The following LIN28B variants were observed in gnomAD, a reference collection of about 807,000 sequenced individuals.
LIN28B encodes lin-28 RNA binding posttranscriptional regulator B, also known as protein lin-28 homolog B.
In LIN28B, 5 loss-of-function variants were observed where a neutral mutation model predicts 21.9. The observed-to-expected ratio is 0.23, with a 90% confidence interval of 0.12 to 0.48. LIN28B has a LOEUF of 0.48. Ranked by LOEUF, LIN28B falls within the 20% of genes least tolerant of loss-of-function variation. The pLI is 0.98. For missense variants in LIN28B, 245 were observed against 310.5 expected (o/e 0.79, Z 1.58); for synonymous variants, 109 against 111.3 (o/e 0.98, Z 0.13).
intron 3 of LIN28B, among the ~76,000 whole-genome samples, chr6:105,028,506 ATG>A (rs1038045839): frequency 2.0e-5 from 3 of 152,158 alleles, no homozygotes; most frequent in African/African-American, 7.2e-5. Flanking sequence ...AAATTCTGAT[ATG>A]TTTTGAAGGA....
At chr6:104,971,215 G>A (rs1386485464) in intron 2 of LIN28B, among the ~76,000 whole-genome samples, 1 of 151,944 alleles carries the variant, frequency 6.6e-6, no homozygotes, top group East Asian at 1.9e-4. Flanking sequence ...ACTTTTAAAA[G>A]ACTTTTAAGA....
chr6:105,048,593 TA>T lies in LIN28B; in HGVS notation c.383+22112del, dbSNP rs1423148409. 2.0e-5 allele frequency among the ~76,000 whole-genome samples: 3 copies of T among 152,326 alleles called. No individual in the cohort carries two copies. The East Asian group carries it at 5.8e-4, about 29-fold the overall frequency. ...ATTGGAATAGTTTCAGAAGGAATGGTACCAGCTCCTCCTGTACCTCTGGTAG... is the reference window on the plus strand; with the variant it reads ...ATTGGAATAGTTTCAGAAGGAATGGTCCAGCTCCTCCTGTACCTCTGGTAG... On this transcript the variant is annotated intron_variant, in intron 3 of 3. Transcript: ENST00000345080.
At chr6:105,066,287 C>A (rs1056708922) in intron 3 of LIN28B, among the ~76,000 whole-genome samples, 1 of 152,186 alleles carries the variant, frequency 6.6e-6, no homozygotes, top group Admixed American at 6.5e-5. Flanking sequence ...ATTCTGTCTT[C>A]GTAAAAACTC....
chr6:105,006,468 C>G (rs767275302), intron 2 of LIN28B, among the ~76,000 whole-genome samples: 1 of 152,228 alleles, frequency 6.6e-6, no homozygotes, highest in Non-Finnish European at 1.5e-5. Context: ...CCCGCCACCA[C>G]GCCAGGCCAA....
At chr6:104,987,946 G>T (rs1366859613) in intron 2 of LIN28B, among the ~76,000 whole-genome samples, 1 of 152,088 alleles carries the variant, frequency 6.6e-6, no homozygotes, top group Non-Finnish European at 1.5e-5. Flanking sequence ...GTTTCACCAT[G>T]TTGGCCAGGC....
At chr6:104,979,462 G>A (rs1770175112) in intron 2 of LIN28B, among the ~76,000 whole-genome samples, 1 of 151,956 alleles carries the variant, frequency 6.6e-6, no homozygotes, top group Non-Finnish European at 1.5e-5. Context: ...ACCCGCCTTG[G>A]CCTCCCAAAG....
chr6:104,952,169 A>T (rs1778227905), upstream of LIN28B, among the ~76,000 whole-genome samples: 1 of 152,156 alleles, frequency 6.6e-6, no homozygotes, highest in South Asian at 2.1e-4. Context: ...TCATTGCTTG[A>T]GGGAGGAAGA....
intron 2 of LIN28B, among the ~76,000 whole-genome samples, chr6:105,014,460 C>T (rs146145610): frequency 5.6e-4 from 86 of 152,320 alleles, no homozygotes; most frequent in African/African-American, 2.0e-3. Flanking sequence ...GCTGGGATTA[C>T]AGGCACCCAC....
At chr6:105,012,197 G>A (rs1770938108) in intron 2 of LIN28B, among the ~76,000 whole-genome samples, 1 of 151,458 alleles carries the variant, frequency 6.6e-6, no homozygotes, top group South Asian at 2.1e-4. Context: ...GCTGGGTGCG[G>A]TGGCTCACAC....
At chr6:105,046,726 G>A (rs1342485103) in intron 3 of LIN28B, among the ~76,000 whole-genome samples, 1 of 152,000 alleles carries the variant, frequency 6.6e-6, no homozygotes. Flanking sequence ...GTGTGAGATG[G>A]TATCTCATTG....
chr6:105,007,531 C>CTT (rs781241068), intron 2 of LIN28B, among the ~76,000 whole-genome samples: 3 of 143,718 alleles, frequency 2.1e-5, no homozygotes, highest in Admixed American at 7.0e-5. Context: ...AAATATATCT[C>CTT]TTTTTTTTTT....
upstream of LIN28B, among the ~76,000 whole-genome samples, chr6:104,954,909 A>G (rs1342943243): frequency 6.6e-6 from 1 of 152,200 alleles, no homozygotes; most frequent in Non-Finnish European, 1.5e-5. Flanking sequence ...TGGTTTTATA[A>G]TGATTAAACT....
At position 105,082,450 on chromosome 6, in the gene LIN28B, CTTAAAG is replaced by C. The variant is rs1451878650; in HGVS notation, c.*3672_*3677del. 3 of 152,588 alleles carry C rather than the reference CTTAAAG, an allele frequency of 2.0e-5. No individual in the cohort carries two copies. Among genetic ancestry groups the C allele is most frequent in the Non-Finnish European group, 2.9e-5 (2 of 68,038 alleles). The allele number at this position is 152,588 out of a possible 1,614,324, so 9.5% of individuals were successfully genotyped here. The stretch of plus-strand genomic sequence containing the variant: ...CAGGACATGGGAAATCTCATTAAGT[CTTAAAG>C]TTAATTTAAATTAATTTATCTGTTT... On this transcript the variant is annotated 3_prime_UTR_variant, in exon 4 of 4. Coordinates refer to ENST00000345080, the MANE Select transcript of LIN28B (RefSeq NM_001004317.4).
At chr6:105,025,515 A>G (rs777900472) in intron 2 of LIN28B, among the ~76,000 whole-genome samples, 3 of 152,130 alleles carry the variant, frequency 2.0e-5, no homozygotes, top group Non-Finnish European at 2.9e-5. Flanking sequence ...CAAACGACGC[A>G]GTAATGTATA....
intron 3 of LIN28B, among the ~76,000 whole-genome samples, chr6:105,053,692 TTGTA>T (rs906099370): frequency 2.8e-5 from 4 of 145,226 alleles, no homozygotes; most frequent in Admixed American, 7.1e-5. Context: ...TTATGGTTGT[TTGTA>T]TGGTGTGTGT....
chr6:105,023,990 G>A (rs923046447), intron 2 of LIN28B, among the ~76,000 whole-genome samples: 1 of 149,676 alleles, frequency 6.7e-6, no homozygotes, highest in Non-Finnish European at 1.5e-5. Context: ...TTGTTTGGTT[G>A]TTTTTTTTTG....
chr6:104,968,631 TAA>T (rs1769912305), intron 2 of LIN28B, among the ~76,000 whole-genome samples: 1 of 152,224 alleles, frequency 6.6e-6, no homozygotes, highest in Non-Finnish European at 1.5e-5. Flanking sequence ...TTATAGGATA[TAA>T]AGACTCCATA....
chr6:105,067,983 C>A (rs1007087723), intron 3 of LIN28B, among the ~76,000 whole-genome samples: 6 of 152,138 alleles, frequency 3.9e-5, no homozygotes, highest in African/African-American at 1.4e-4. Flanking sequence ...TCATTACATA[C>A]CCATTCCCCG....
intron 2 of LIN28B, among the ~76,000 whole-genome samples, chr6:104,982,288 T>G (rs1770241123): frequency 6.7e-6 from 1 of 149,838 alleles, no homozygotes; most frequent in Non-Finnish European, 1.5e-5. Flanking sequence ...CACTCCAGCT[T>G]GGGCGATACA....
Sources: allele counts gnomAD v4.1 joint callset (sites outside exome capture counted in the v4.1 genomes callset), GRCh38; gene constraint gnomAD v4.1.1; transcripts MANE v1.5; gene names NCBI Gene and HGNC (gene_info 2026-07-23, HGNC 2026-07-21).